The following SMAP1 variants were observed in gnomAD, a reference collection of about 807,000 sequenced individuals.
SMAP1 encodes stromal membrane-associated protein 1.
A neutral mutation model predicts 58.5 loss-of-function variants in SMAP1; 24 were observed. That is an observed-to-expected ratio of 0.41 (90% CI 0.30 to 0.58). The LOEUF (loss-of-function observed/expected upper bound fraction) is 0.58. Among genes scored for constraint, SMAP1 ranks in the 20% least tolerant of loss-of-function variants. SMAP1 has a pLI of 0.29. For synonymous variants in SMAP1, 216 were observed against 196.6 expected (o/e 1.10, Z -0.82); for missense variants, 563 against 566.3 (o/e 0.99, Z 0.06).
chr6:70,688,172 G>C (rs952773903), intron 1 of SMAP1, among the ~76,000 whole-genome samples: 3 of 152,154 alleles, frequency 2.0e-5, no homozygotes, highest in African/African-American at 7.2e-5. Flanking sequence ...TTTGTGATAT[G>C]TTTGTGCCAT....
At chr6:70,718,649 G>A (rs748291411) in intron 1 of SMAP1, among the ~76,000 whole-genome samples, 5 of 151,764 alleles carry the variant, frequency 3.3e-5, no homozygotes, top group African/African-American at 7.3e-5. Context: ...ATCCAATCCC[G>A]TCTCTGCTAA....
chr6:70,693,331 G>C (rs1457158975), intron 1 of SMAP1, among the ~76,000 whole-genome samples: 2 of 130,496 alleles, frequency 1.5e-5, no homozygotes, highest in African/African-American at 5.8e-5. Context: ...TTAAGACAGA[G>C]TCTTGCTCTG....
rs1393684729 is a variant in SMAP1 at position 70,860,683 on chromosome 6, A to G, written c.*349A>G. 2.4e-6 allele frequency: 1 copy of G among 409,696 alleles called. No individual in the cohort carries two copies. Among genetic ancestry groups the G allele is most frequent in the Non-Finnish European group, 4.3e-6 (1 of 232,384 alleles). The allele number at this position is 409,696 out of a possible 1,614,324, so 25.4% of individuals were successfully genotyped here. A position where few individuals can be genotyped will look rare whatever the true frequency, so the allele number is the denominator to read the frequency against. On this transcript the variant is annotated 3_prime_UTR_variant, in exon 11 of 11. Transcript: ENST00000370455. ...TAGTTATCATGTTAGTAATACCTCT[A>G]ATAGTATAAACCCCACCCCAAAATT... is the stretch of plus-strand genomic sequence containing the variant.
At chr6:70,823,721 A>C (rs1230702992) in intron 6 of SMAP1, among the ~76,000 whole-genome samples, 3 of 152,056 alleles carry the variant, frequency 2.0e-5, no homozygotes, top group African/African-American at 7.2e-5. Flanking sequence ...GCAGATTGTT[A>C]GGCTGTTTTT....
intron 1 of SMAP1, among the ~76,000 whole-genome samples, chr6:70,713,734 T>C (rs1418829648): frequency 6.6e-6 from 1 of 152,208 alleles, no homozygotes; most frequent in African/African-American, 2.4e-5. Flanking sequence ...AGTAGAACGT[T>C]CTGTATAGGC....
chr6:70,766,081 T>A (rs1474677186), intron 3 of SMAP1, among the ~76,000 whole-genome samples: 1 of 152,184 alleles, frequency 6.6e-6, no homozygotes, highest in Non-Finnish European at 1.5e-5. Flanking sequence ...GAACTCATCA[T>A]TTTTTATGGC....
chr6:70,852,444 C>CT (rs906154209), intron 7 of SMAP1, 96 bp from the exon 8 acceptor site: 838 of 1,204,758 alleles, frequency 7.0e-4, no homozygotes, highest in South Asian at 1.2e-3. Flanking sequence ...TTGAACTGTT[C>CT]TTTTTTTTTA....
At chr6:70,730,114 A>G (rs1457110332) in intron 1 of SMAP1, among the ~76,000 whole-genome samples, 4 of 151,758 alleles carry the variant, frequency 2.6e-5, no homozygotes, top group Admixed American at 6.6e-5. Flanking sequence ...CGGTGGTACC[A>G]CCATAGCTCA....
In SMAP1 at chr6:70,861,726, T is replaced by C. The variant is rs141775687; in HGVS notation, c.*1392T>C. On this transcript the variant is annotated 3_prime_UTR_variant, in exon 11 of 11. Transcript: ENST00000370455. ...GCTCGTTGGCTAGATTAACCTTCTC[T>C]GTCCGAGTGTGCCACACGAGAACCT... is the stretch of plus-strand genomic sequence containing the variant. 1.1e-4 allele frequency: 175 copies of C among 1,614,106 alleles called. No individual in the cohort carries two copies. In the African/African-American group the frequency reaches 1.9e-3, roughly 18 times the overall value.
chr6:70,791,627 T>A lies in SMAP1; in HGVS notation c.415-62T>A. 4 of 1,391,668 alleles carry A rather than the reference T, an allele frequency of 2.9e-6. No individual in the cohort carries two copies. In the South Asian group the frequency reaches 3.8e-5, roughly 13 times the overall value. 86.2% of individuals were successfully genotyped at this position (1,391,668 alleles called of 1,614,324 possible). A position where few individuals can be genotyped will look rare whatever the true frequency, so the allele number is the denominator to read the frequency against. Reference sequence around the variant, plus strand: ...ACAGGGATTTTTTCTTTCCTGTGCCTGTCAATTCTCATTACCTTCTTTTTG... The same window carrying A: ...ACAGGGATTTTTTCTTTCCTGTGCCAGTCAATTCTCATTACCTTCTTTTTG... On this transcript the variant is annotated intron_variant, in intron 4 of 10. Transcript: ENST00000370455.
At chr6:70,738,126 TA>T (rs1765683986) in intron 2 of SMAP1, among the ~76,000 whole-genome samples, 1 of 152,170 alleles carries the variant, frequency 6.6e-6, no homozygotes, top group East Asian at 1.9e-4. Flanking sequence ...AAGCATTCAC[TA>T]GGTAGATGAG....
chr6:70,860,191 G>A lies in SMAP1; in HGVS notation c.1270-9G>A, dbSNP rs1209284075. ...GCCTCTTGAACTAAGCCTTTTATAT[G>A]TTTCACAGATGAATCAGCAGATGGC... On this transcript the variant is annotated splice_polypyrimidine_tract_variant and intron_variant, in intron 10 of 10. Transcript: ENST00000370455. 3.7e-6 allele frequency: 6 copies of A among 1,601,302 alleles called. No individual in the cohort carries two copies. The highest frequency in any genetic ancestry group is 2.3e-5 in the South Asian group (2 of 88,530).
At chr6:70,822,056 A>G (rs1769914697) in intron 6 of SMAP1, among the ~76,000 whole-genome samples, 1 of 152,232 alleles carries the variant, frequency 6.6e-6, no homozygotes, top group African/African-American at 2.4e-5. Flanking sequence ...TTCACTAAGC[A>G]TGCATGCTTT....
intron 2 of SMAP1, among the ~76,000 whole-genome samples, chr6:70,747,777 A>G (rs1056268834): frequency 1.3e-5 from 2 of 152,220 alleles, no homozygotes; most frequent in African/African-American, 2.4e-5. Flanking sequence ...ATTTTGTCAT[A>G]ACAATGTTTA....
intron 4 of SMAP1, 36 bp from the exon 5 acceptor site, chr6:70,791,652 GT>G: frequency 1.3e-6 from 2 of 1,546,382 alleles, no homozygotes; most frequent in South Asian, 1.2e-5. Context: ...CCTTCTTTTT[GT>G]TTTTTTCCTC....
At chr6:70,807,557 A>G (rs1383579575) in intron 6 of SMAP1, among the ~76,000 whole-genome samples, 7 of 152,238 alleles carry the variant, frequency 4.6e-5, no homozygotes, top group African/African-American at 1.7e-4. Context: ...TCTGTAGATG[A>G]GGAGTACTCT....
At chr6:70,671,538 A>T (rs1264792385) in intron 1 of SMAP1, among the ~76,000 whole-genome samples, 3 of 152,192 alleles carry the variant, frequency 2.0e-5, no homozygotes, top group Non-Finnish European at 4.4e-5. Flanking sequence ...AGATCGCGCC[A>T]CTGTACTCCA....
chr6:70,795,663 C>G (rs889934277), intron 5 of SMAP1, among the ~76,000 whole-genome samples: 5 of 152,028 alleles, frequency 3.3e-5, no homozygotes, highest in Admixed American at 3.3e-4. Flanking sequence ...GGGGTGGACA[C>G]AAACATTCAA....
intron 4 of SMAP1, among the ~76,000 whole-genome samples, chr6:70,791,460 A>T (rs1254213800): frequency 6.6e-6 from 1 of 152,138 alleles, no homozygotes; most frequent in Non-Finnish European, 1.5e-5. Context: ...TCCTAGTAAA[A>T]TCCATTTTAA....
Sources: gnomAD v4.1 joint callset for allele counts (sites outside exome capture counted in the v4.1 genomes callset) on GRCh38, gnomAD v4.1.1 for gene constraint, MANE v1.5 for transcripts, NCBI Gene and HGNC (gene_info 2026-07-23, HGNC 2026-07-21) for gene names.